Variants in IQCH observed in about 807,000 individuals in gnomAD.
IQCH encodes IQ motif containing H, also known as IQ domain-containing protein H.
Under a neutral mutation model 117.0 loss-of-function variants are expected in IQCH, and 98 were observed. The observed-to-expected ratio is 0.84, with a 90% CI of 0.71 to 0.99. The LOEUF is 0.99. Ranked by LOEUF, IQCH falls within the 50% of genes least tolerant of loss-of-function variation. The pLI is 0.00. For missense variants in IQCH, 1,102 were observed against 1,243.8 expected (o/e 0.89, Z 1.72); for synonymous variants, 412 against 448.2 (o/e 0.92, Z 1.02).
intron 3 of IQCH, among the ~76,000 whole-genome samples, chr15:67,269,633 A>G (rs947729352): frequency 6.7e-6 from 1 of 148,464 alleles, no homozygotes; most frequent in African/African-American, 2.5e-5. Context: ...CTCTTCAACC[A>G]CCCCTCATCC....
chr15:67,346,772 A>G (rs1415861096), intron 6 of IQCH, among the ~76,000 whole-genome samples: 1 of 152,210 alleles, frequency 6.6e-6, no homozygotes, highest in Non-Finnish European at 1.5e-5. Context: ...ATGCACATGG[A>G]ACATTCACCA....
chr15:67,263,855 A>G (rs1017758092), intron 3 of IQCH, among the ~76,000 whole-genome samples: 2 of 152,230 alleles, frequency 1.3e-5, no homozygotes, highest in Non-Finnish European at 2.9e-5. Flanking sequence ...GAATTGAGTT[A>G]AAAATAAGTG....
At chr15:67,279,325 T>G in intron 3 of IQCH, 70 bp from the exon 4 acceptor site, 1 of 798,026 alleles carries the variant, frequency 1.3e-6, no homozygotes, top group African/African-American at 1.8e-5. Context: ...GAAGCATTGT[T>G]TTAAAATTAC....
chr15:67,254,907 A>G lies in IQCH; in HGVS notation c.11A>G (p.Asn4Ser), dbSNP rs758889010. The G allele has an allele frequency of 1.9e-5, 30 of 1,613,876 alleles. No individual in the cohort carries two copies. Among genetic ancestry groups the G allele is most frequent in the Non-Finnish European group, 2.3e-5 (27 of 1,179,826 alleles). The change falls in exon 1 of 21, where the codon AAC becomes AGC. Residue 4 changes from asparagine to serine, a missense_variant. By Grantham distance (46) the Asn-to-Ser change is conservative. Coordinates refer to ENST00000335894, the MANE Select transcript of IQCH (RefSeq NM_001031715.3). ...TTCCCTGACCTAGCCATGGCACAGA[A>G]CACTGAAAACCACGACCCTGTCGGA... is the stretch of plus-strand genomic sequence containing the variant. Reference protein sequence around the residue: MAQNTENHDPVGSI... With the variant: MAQSTENHDPVGSI...
At chr15:67,360,014 G>T in intron 8 of IQCH, 129 bp downstream of exon 8, 8 of 633,080 alleles carry the variant, frequency 1.3e-5, no homozygotes, top group South Asian at 4.6e-5. Flanking sequence ...TGCTTCCTTT[G>T]TAAAAGAAAT....
intron 4 of IQCH, among the ~76,000 whole-genome samples, chr15:67,301,917 T>G (rs919169207): frequency 2.0e-5 from 3 of 152,154 alleles, no homozygotes; most frequent in Non-Finnish European, 4.4e-5. Context: ...AGTACACCTA[T>G]CATTTCTGTT....
Position 67,416,263 on chromosome 15 carries a change from A to T in IQCH, c.2098-668A>T, listed in dbSNP as rs1305695088. Among the ~76,000 whole-genome samples the T allele has an allele frequency of 1.3e-5, 2 of 152,222 alleles. No individual in the cohort carries two copies. The highest frequency in any genetic ancestry group is 3.9e-4 in the East Asian group (2 of 5,176). ...CTGGGCACAGTGGCTCATGCCTGTA[A>T]TCCCAGCACTTTGGGAGGCCGAGGC... On this transcript the variant is annotated intron_variant, in intron 14 of 20. Transcript: ENST00000335894. This position sits in a 1 kb window ranked among gnomAD's most constrained non-coding sequence, Gnocchi z 5.1.
At chr15:67,294,089 G>A (rs954540709) in intron 4 of IQCH, among the ~76,000 whole-genome samples, 2 of 152,168 alleles carry the variant, frequency 1.3e-5, no homozygotes, top group Non-Finnish European at 2.9e-5. Context: ...GGGCTTTGAT[G>A]TAACCATTAA....
chr15:67,340,616 A>G (rs1969127275), intron 5 of IQCH, among the ~76,000 whole-genome samples: 2 of 152,170 alleles, frequency 1.3e-5, no homozygotes, highest in East Asian at 1.9e-4. Context: ...CATGAAAAGT[A>G]GAGACTCAAT....
chr15:67,368,507 C>A (rs1970412392), intron 8 of IQCH, among the ~76,000 whole-genome samples: 1 of 152,222 alleles, frequency 6.6e-6, no homozygotes, highest in African/African-American at 2.4e-5. Flanking sequence ...CATTCATATT[C>A]TAAATGCAAA....
At position 67,256,317 on chromosome 15, in the gene IQCH, A is replaced by G. The variant is rs138840532; in HGVS notation, c.51+1370A>G. ...GTGACAATATGCATAGAATATTGCA[A>G]CTAGAGAAGCTTATCTGAGGCTTTG... On this transcript the variant is annotated intron_variant, in intron 1 of 20. Transcript: ENST00000335894. Among the ~76,000 whole-genome samples the G allele has an allele frequency of 2.7e-3, 405 of 152,302 alleles. 2 individuals carry two copies. Among genetic ancestry groups the G allele is most frequent in the African/African-American group, 9.4e-3 (390 of 41,558 alleles).
Position 67,494,189 on chromosome 15 carries a change from G to T in IQCH, c.2862-69G>T. On this transcript the variant is annotated intron_variant, in intron 19 of 20. Transcript: ENST00000335894. The surrounding 1 kb of genome is among the most constrained non-coding windows in gnomAD (Gnocchi z 5.5). ...TCCATCACCAGACAGGCACAAATGA[G>T]AGGGCGATTGTTTTTAAGCATGTGA... 2.8e-6 allele frequency: 3 copies of T among 1,075,058 alleles called. No homozygotes were observed. The highest frequency in any genetic ancestry group is 1.8e-5 in the South Asian group (1 of 55,348). 66.6% of individuals were successfully genotyped at this position (1,075,058 alleles called of 1,614,324 possible).
intron 4 of IQCH, among the ~76,000 whole-genome samples, chr15:67,286,582 TTTTA>T (rs56267333): frequency 6.4e-4 from 89 of 139,136 alleles, no homozygotes; most frequent in East Asian, 1.3e-3. Flanking sequence ...CATATATGGC[TTTTA>T]TTTATTTATT....
rs137988224 is a variant in IQCH at position 67,359,603 on chromosome 15, T to G, written c.715-244T>G. 2.9e-3 allele frequency among the ~76,000 whole-genome samples: 440 copies of G among 152,330 alleles called. 10 individuals carry two copies. In the Middle Eastern group the frequency reaches 0.058, roughly 20 times the overall value. On this transcript the variant is annotated intron_variant, in intron 7 of 20. Transcript: ENST00000335894. This position sits in a 1 kb window ranked among gnomAD's most constrained non-coding sequence, Gnocchi z 4.5. The stretch of plus-strand genomic sequence containing the variant: ...GGACTTGGCATCTGATTATAGTTGT[T>G]TTTGTAAATATTTACTTAATCAAAC...
intron 4 of IQCH, among the ~76,000 whole-genome samples, chr15:67,321,102 A>G (rs1471359062): frequency 6.6e-6 from 1 of 152,132 alleles, no homozygotes; most frequent in Non-Finnish European, 1.5e-5. Flanking sequence ...TTTCTAGACT[A>G]TATTACATAC....
In IQCH at chr15:67,365,004, G is replaced by A. The variant is rs368822373; in HGVS notation, c.753+5119G>A. ...CACCTAGTCTGCAGTGCAGTGGCAC[G>A]ATTGTGGCTCACTGCAGCCTTGACC... On this transcript the variant is annotated intron_variant, in intron 8 of 20. Coordinates refer to ENST00000335894, the MANE Select transcript of IQCH (RefSeq NM_001031715.3). This position sits in a 1 kb window ranked among gnomAD's most constrained non-coding sequence, Gnocchi z 4.4. Among the ~76,000 whole-genome samples the A allele has an allele frequency of 3.3e-5, 5 of 152,126 alleles. No individual in the cohort carries two copies. The highest frequency in any genetic ancestry group is 5.9e-5 in the Non-Finnish European group (4 of 68,020).
At chr15:67,279,562 G>C in intron 4 of IQCH, 50 bp downstream of exon 4, 1 of 1,043,668 alleles carries the variant, frequency 9.6e-7, no homozygotes, top group Non-Finnish European at 1.5e-6. Context: ...GTGATTGCCA[G>C]GGGCTGGGAG....
rs923577399 is a variant in IQCH, at chr15:67,491,328, A to G, written c.2861+1264A>G. Among the ~76,000 whole-genome samples the G allele has an allele frequency of 4.6e-5, 7 of 152,136 alleles. No individual in the cohort carries two copies. Among genetic ancestry groups the G allele is most frequent in the Non-Finnish European group, 7.4e-5 (5 of 68,024 alleles). On this transcript the variant is annotated intron_variant, in intron 19 of 20. Coordinates refer to ENST00000335894, the MANE Select transcript of IQCH (RefSeq NM_001031715.3). The surrounding 1 kb of genome is among the most constrained non-coding windows in gnomAD (Gnocchi z 4.9). The stretch of plus-strand genomic sequence containing the variant: ...CCAAAGCATAGTCCTTTGTTCTACC[A>G]AAGCATTATCAGTTAGACCATTATC...
chr15:67,314,692 GAGT>G (rs2140572198), intron 4 of IQCH, among the ~76,000 whole-genome samples: 1 of 152,284 alleles, frequency 6.6e-6, no homozygotes, highest in African/African-American at 2.4e-5. Context: ...CACATTACTG[GAGT>G]GCTGAACTGA....
Sources: allele counts gnomAD v4.1 joint callset (sites outside exome capture counted in the v4.1 genomes callset), GRCh38; gene constraint gnomAD v4.1.1; non-coding constraint Gnocchi (gnomAD v3.1); transcripts MANE v1.5; gene names NCBI Gene and HGNC (gene_info 2026-07-23, HGNC 2026-07-21).